PCNX2: variants seen among roughly 807,000 people sequenced by gnomAD.
The protein encoded by PCNX2 is pecanex-like protein 2.
In PCNX2, 168 loss-of-function variants were observed where a neutral mutation model predicts 223.8. The ratio of observed to expected loss-of-function variants is 0.75; its 90% CI spans 0.66 to 0.85. The LOEUF (loss-of-function observed/expected upper bound fraction) is 0.85, where lower values mean the gene tolerates loss of function less well. PCNX2 is among the 40% of genes least tolerant of loss of function. The pLI, the probability that PCNX2 is intolerant of heterozygous loss-of-function variation, is 0.00. For missense variants in PCNX2, 2,507 were observed against 2,675.5 expected, an observed-to-expected ratio of 0.94 and a Z score of 1.39; for synonymous variants, 1,006 against 1,052.6, an observed-to-expected ratio of 0.96 and a Z score of 0.86.
rs111312226 is a variant in PCNX2 at position 233,077,385 on chromosome 1, G to A, written c.4076+12676C>T. 2.7e-4 allele frequency among the ~76,000 whole-genome samples: 41 copies of A among 152,166 alleles called. No homozygotes were observed. The East Asian group carries it at 4.6e-3, about 17-fold the overall frequency. On this transcript the variant is annotated intron_variant, in intron 23 of 33. Transcript: ENST00000258229. ...CACTCATCTCTCCTCAACCCTCACC[G>A]GTGTTTTCCTAAAACAGCCTCTTGG...
At chr1:233,040,684 CTCCACCACGCCTCCTGCCGTCACTCT>C in intron 25 of PCNX2, among the ~76,000 whole-genome samples, 1 of 152,094 alleles carries the variant, frequency 6.6e-6, no homozygotes, top group Non-Finnish European at 1.5e-5. Context: ...CAGTCACTCT[CTCCACCACGCCTCCTGCCGTCACTCT>C]TGGGGATGTC....
chr1:233,191,351 T>C (rs757471558), intron 15 of PCNX2, among the ~76,000 whole-genome samples: 1 of 152,180 alleles, frequency 6.6e-6, no homozygotes, highest in African/African-American at 2.4e-5. Context: ...ACAGAGAGCA[T>C]GCATGTTTCC....
intron 17 of PCNX2, among the ~76,000 whole-genome samples, chr1:233,174,012 A>C (rs1572018749): frequency 7.2e-6 from 1 of 139,134 alleles, no homozygotes; most frequent in Non-Finnish European, 1.6e-5. Flanking sequence ...TTTACTCTTT[A>C]CTATTTTGCT....
intron 26 of PCNX2, among the ~76,000 whole-genome samples, chr1:233,024,250 C>G (rs2102831915): frequency 6.6e-6 from 1 of 152,314 alleles, no homozygotes; most frequent in South Asian, 2.1e-4. Context: ...TGTTTGTTAG[C>G]TGGTTAAAAC....
chr1:233,075,576 A>C (rs977311485), intron 23 of PCNX2, among the ~76,000 whole-genome samples: 1 of 152,152 alleles, frequency 6.6e-6, no homozygotes, highest in South Asian at 2.1e-4. Context: ...ATGTATCAAC[A>C]TCAATATCTA....
chr1:233,209,126 G>A (rs1056886260), intron 12 of PCNX2, among the ~76,000 whole-genome samples: 1 of 152,054 alleles, frequency 6.6e-6, no homozygotes, highest in African/African-American at 2.4e-5. Flanking sequence ...ATAATTTGTG[G>A]GCTTTAATTT....
intron 23 of PCNX2, among the ~76,000 whole-genome samples, chr1:233,084,995 A>T (rs1428320276): frequency 1.3e-5 from 2 of 152,196 alleles, no homozygotes; most frequent in East Asian, 3.8e-4. Flanking sequence ...CCAGATTAGG[A>T]TTTCTATTTC....
At chr1:233,025,610 T>C (rs1275084254) in intron 25 of PCNX2, 1 of 623,318 alleles carries the variant, frequency 1.6e-6, no homozygotes, top group Non-Finnish European at 2.7e-6. Flanking sequence ...TCTGAGTCTC[T>C]GTAGAAAATA....
Position 233,252,437 on chromosome 1 carries a change from A to G in PCNX2, c.2045T>C (p.Val682Ala). 6.2e-7 allele frequency: 1 copy of G among 1,613,804 alleles called. No individual in the cohort carries two copies. Among genetic ancestry groups the G allele is most frequent in the South Asian group, 1.1e-5 (1 of 91,066 alleles). Residue 682 changes from valine (V) to alanine (A), a missense_variant, in exon 7 of 34, where the codon GTC (valine) becomes GCC (alanine). Transcript: ENST00000258229. ...YRVTSQQDSS[V>A]LQVISGPETS... Reference sequence around the variant, plus strand: ...TTCAGGCCCACTGATGACTTGCAAGACAGAACTATCTTGTTGGGAAGTTAC... The same window carrying G: ...TTCAGGCCCACTGATGACTTGCAAGGCAGAACTATCTTGTTGGGAAGTTAC...
Position 233,160,413 on chromosome 1 carries a change from C to A in PCNX2, c.3387G>T (p.Leu1129=), listed in dbSNP as rs79899569. The A allele has an allele frequency of 9.9e-6, 16 of 1,613,738 alleles. No homozygotes were observed. In the East Asian group the frequency reaches 3.6e-4, roughly 36 times the overall value. ...ACCCCACGGCTCCAGCCAAGGCAAACAGCACGATGCTGAGAAATGGCTGCG... is the reference window on the plus strand; with the variant it reads ...ACCCCACGGCTCCAGCCAAGGCAAAAAGCACGATGCTGAGAAATGGCTGCG... ...LSLRPFLSIV[L]FALAGAVGFV... The change falls in exon 19 of 34, where the codon CTG becomes CTT. Residue 1129 remains leucine (L), a synonymous_variant. Coordinates refer to ENST00000258229, the MANE Select transcript of PCNX2 (RefSeq NM_014801.4).
chr1:233,102,190 T>C lies in PCNX2; in HGVS notation c.3838-6327A>G, dbSNP rs192856390. Among the ~76,000 whole-genome samples, 290 of 151,848 alleles carry C rather than the reference T, an allele frequency of 1.9e-3. 1 individual carries two copies. The highest frequency in any genetic ancestry group is 6.7e-3 in the African/African-American group (277 of 41,438). ...ACATAATGTCCTCCAGTTCCAATCA[T>C]GTTGTTGCAAATTGACAGGATTTTA... On this transcript the variant is annotated intron_variant, in intron 21 of 33. Coordinates refer to ENST00000258229, the MANE Select transcript of PCNX2 (RefSeq NM_014801.4).
intron 25 of PCNX2, chr1:233,032,961 A>C (rs900301661): frequency 2.2e-5 from 22 of 982,744 alleles, no homozygotes; most frequent in Non-Finnish European, 2.7e-5. Context: ...ATTTTGGAAA[A>C]TGCACTAATT....
chr1:233,198,941 T>A lies in PCNX2; in HGVS notation c.3064A>T (p.Lys1022Ter), dbSNP rs759263458. The A allele has an allele frequency of 6.2e-7, 1 of 1,602,588 alleles. No homozygotes were observed. The highest frequency in any genetic ancestry group is 2.3e-5 in the East Asian group (1 of 44,426). ...LLHAVCFSAV[K>*]EPWSMQHIPA... Reference sequence around the variant, plus strand: ...GGGCCCATGGTCCTCACACCTACCTTCACTGCACTGAAGCAGACTGCGTGG... The same window carrying A: ...GGGCCCATGGTCCTCACACCTACCTACACTGCACTGAAGCAGACTGCGTGG... The change falls in exon 15 of 34, where the codon AAG becomes TAG. Residue 1022 changes from lysine (K) to a stop codon, truncating the protein, a stop_gained and splice_region_variant. Transcript: ENST00000258229. LOFTEE classifies it high-confidence loss of function.
chr1:233,307,171 G>A, the PCNX2 span, among the ~76,000 whole-genome samples: 1 of 152,164 alleles, frequency 6.6e-6, no homozygotes, highest in Non-Finnish European at 1.5e-5. Context: ...AAAGATCAAT[G>A]TACATATTTG....
At chr1:233,261,365 A>G in intron 3 of PCNX2, 44 bp from the exon 4 acceptor site, 1 of 1,588,940 alleles carries the variant, frequency 6.3e-7, no homozygotes, top group Non-Finnish European at 8.6e-7. Flanking sequence ...GACTCAGCTG[A>G]CCGTCCATTT....
intron 13 of PCNX2, chr1:233,201,766 G>A (rs1437026844): frequency 6.5e-6 from 1 of 153,708 alleles, no homozygotes; most frequent in African/African-American, 2.4e-5. Context: ...GATATTGGGA[G>A]CTATTTGGTA....
chr1:233,080,222 G>T (rs1489418895), intron 23 of PCNX2, among the ~76,000 whole-genome samples: 1 of 151,874 alleles, frequency 6.6e-6, no homozygotes, highest in Non-Finnish European at 1.5e-5. Context: ...TGATTTTTTG[G>T]GGGGGCTGGT....
rs1338341258 is a variant in PCNX2, at chr1:233,139,447, C to T, written c.3659+267G>A. Among the ~76,000 whole-genome samples, 2 of 152,202 alleles carry T rather than the reference C, an allele frequency of 1.3e-5. No individual in the cohort carries two copies. Among genetic ancestry groups the T allele is most frequent in the Admixed American group, 6.5e-5 (1 of 15,272 alleles). ...CCGTCTTCTTATTAAGGCTCACTGA[C>T]TAAGCTTCTGCAGGATGATTTTCAA... On this transcript the variant is annotated intron_variant, in intron 20 of 33. Coordinates refer to ENST00000258229, the MANE Select transcript of PCNX2 (RefSeq NM_014801.4). This position sits in a 1 kb window ranked among gnomAD's most constrained non-coding sequence, Gnocchi z 4.4.
intron 9 of PCNX2, among the ~76,000 whole-genome samples, chr1:233,235,957 A>AAAATATATATATATATATATAT (rs369886650): frequency 4.7e-4 from 44 of 93,084 alleles, no homozygotes; most frequent in African/African-American, 7.4e-4. Flanking sequence ...CATAAAAAAA[A>AAAATATATATATATATATATAT]ATATATATAT....
Sources: allele counts gnomAD v4.1 joint callset (sites outside exome capture counted in the v4.1 genomes callset), GRCh38; gene constraint gnomAD v4.1.1; non-coding constraint Gnocchi (gnomAD v3.1); transcripts MANE v1.5; gene names NCBI Gene and HGNC (gene_info 2026-07-23, HGNC 2026-07-21).